The following NFATC2 variants were observed in gnomAD, a reference collection of about 807,000 sequenced individuals.
NFATC2 encodes nuclear factor of activated T-cells, cytoplasmic 2.
A neutral mutation model predicts 87.3 loss-of-function variants in NFATC2; 22 were observed. The observed-to-expected ratio is 0.25, with a 90% confidence interval of 0.18 to 0.36. The LOEUF (loss-of-function observed/expected upper bound fraction) is 0.36. Among genes scored for constraint, NFATC2 ranks in the 10% least tolerant of loss-of-function variants. The pLI is 1.00. For missense variants in NFATC2, 1,149 were observed against 1,259.1 expected (o/e 0.91, Z 1.32); for synonymous variants, 565 against 542.2 (o/e 1.04, Z -0.58).
chr20:51,460,784 A>G (rs2055230080), intron 5 of NFATC2, among the ~76,000 whole-genome samples: 1 of 150,870 alleles, frequency 6.6e-6, no homozygotes, highest in African/African-American at 2.4e-5. Context: ...AGGTTTCTTG[A>G]CCCCAGTTGC....
At chr20:51,540,080 C>A (rs1413616638) in intron 1 of NFATC2, among the ~76,000 whole-genome samples, 1 of 152,224 alleles carries the variant, frequency 6.6e-6, no homozygotes. Context: ...AATGGTGCCA[C>A]CTGCCTCACT....
chr20:51,515,297 T>C (rs1007554518), intron 3 of NFATC2, among the ~76,000 whole-genome samples: 4 of 152,164 alleles, frequency 2.6e-5, no homozygotes, highest in Admixed American at 2.0e-4. Context: ...AGCTGGCATA[T>C]GGGAATTCCA....
chr20:51,528,848 G>A (rs1354180539), intron 1 of NFATC2, among the ~76,000 whole-genome samples: 2 of 152,160 alleles, frequency 1.3e-5, no homozygotes, highest in Non-Finnish European at 2.9e-5. Flanking sequence ...ACCCACTGGA[G>A]GCCTCAACAC....
chr20:51,433,735 G>GCATGCGTGTGTGCT (rs1448798077), intron 8 of NFATC2, among the ~76,000 whole-genome samples: 5 of 150,122 alleles, frequency 3.3e-5, no homozygotes, highest in African/African-American at 9.9e-5. Flanking sequence ...GTGTGTGTGC[G>GCATGCGTGTGTGCT]CATGCGTGTG....
chr20:51,392,440 G>T (rs1986465548), intron 10 of NFATC2, among the ~76,000 whole-genome samples: 1 of 152,196 alleles, frequency 6.6e-6, no homozygotes, highest in Non-Finnish European at 1.5e-5. Context: ...CTAATTACTA[G>T]AATTAGGGCA....
chr20:51,398,016 T>TG (rs1206906954), intron 10 of NFATC2, among the ~76,000 whole-genome samples: 1 of 152,116 alleles, frequency 6.6e-6, no homozygotes, highest in East Asian at 1.9e-4. Context: ...TGGAGGCCCA[T>TG]CGAGGTGGAT....
At chr20:51,435,592 T>C in intron 7 of NFATC2, 114 bp downstream of exon 7, 1 of 1,161,360 alleles carries the variant, frequency 8.6e-7, no homozygotes, top group Non-Finnish European at 1.2e-6. Context: ...TGAGTACCTG[T>C]TAGGTCCAGA....
chr20:51,417,546 A>T (rs1466101131), intron 9 of NFATC2, among the ~76,000 whole-genome samples: 12 of 152,140 alleles, frequency 7.9e-5, no homozygotes, highest in Non-Finnish European at 2.9e-5. Flanking sequence ...TTCCTCAAAG[A>T]GGTTGGTCCT....
At chr20:51,446,675 G>A (rs1356781794) in intron 6 of NFATC2, among the ~76,000 whole-genome samples, 2 of 152,218 alleles carry the variant, frequency 1.3e-5, no homozygotes, top group Admixed American at 6.5e-5. Flanking sequence ...CAATGCAGGG[G>A]ACCAAGTTTA....
intron 8 of NFATC2, 51 bp downstream of exon 8, chr20:51,435,137 G>C: frequency 6.2e-7 from 1 of 1,607,248 alleles, no homozygotes; most frequent in South Asian, 1.1e-5. Context: ...CCTGAGCCCT[G>C]TGCCTGTACT....
chr20:51,459,969 T>C (rs1247912226), intron 5 of NFATC2, among the ~76,000 whole-genome samples: 2 of 152,222 alleles, frequency 1.3e-5, no homozygotes, highest in African/African-American at 2.4e-5. Flanking sequence ...ATGTACTTCA[T>C]GTACTGAATT....
At chr20:51,509,324 C>T (rs941268665) in intron 3 of NFATC2, among the ~76,000 whole-genome samples, 23 of 152,176 alleles carry the variant, frequency 1.5e-4, no homozygotes, top group African/African-American at 5.5e-4. Flanking sequence ...TCCCCCTAGC[C>T]AGCACATCAG....
chr20:51,424,525 G>T (rs538781669), intron 9 of NFATC2, among the ~76,000 whole-genome samples: 1 of 152,218 alleles, frequency 6.6e-6, no homozygotes, highest in Admixed American at 6.5e-5. Flanking sequence ...CCAGAGAGTC[G>T]GGCACCATTA....
intron 1 of NFATC2, among the ~76,000 whole-genome samples, chr20:51,556,828 G>A (rs2076982614): frequency 6.6e-6 from 1 of 152,152 alleles, no homozygotes; most frequent in African/African-American, 2.4e-5. Flanking sequence ...CAGCCACCCA[G>A]AGAAGCTCTG....
intron 9 of NFATC2, among the ~76,000 whole-genome samples, chr20:51,399,387 C>T (rs910677785): frequency 5.3e-5 from 8 of 152,288 alleles, no homozygotes; most frequent in African/African-American, 1.2e-4. Context: ...CCCCTTTGGC[C>T]GAATTGGAAT....
intron 3 of NFATC2, among the ~76,000 whole-genome samples, chr20:51,511,898 A>G (rs1240347623): frequency 6.6e-6 from 1 of 152,072 alleles, no homozygotes; most frequent in African/African-American, 2.4e-5. Flanking sequence ...AATAAGCAAA[A>G]TTTCATCTCC....
chr20:51,446,860 G>C (rs1461187389), intron 6 of NFATC2, among the ~76,000 whole-genome samples: 3 of 152,184 alleles, frequency 2.0e-5, no homozygotes, highest in Non-Finnish European at 2.9e-5. Flanking sequence ...GTCACAGAGG[G>C]CAAAGGTCCG....
At chr20:51,473,844 G>A in intron 5 of NFATC2, 136 bp downstream of exon 5, 1 of 806,034 alleles carries the variant, frequency 1.2e-6, no homozygotes, top group Non-Finnish European at 1.9e-6. Context: ...GGTCATCTTG[G>A]GCCAGTGTAA....
At chr20:51,464,519 G>A (rs1434905139) in intron 5 of NFATC2, among the ~76,000 whole-genome samples, 1 of 152,198 alleles carries the variant, frequency 6.6e-6, no homozygotes, top group East Asian at 1.9e-4. Flanking sequence ...CAGCTTTCTG[G>A]CACTTCTGAA....
Sources: allele counts gnomAD v4.1 joint callset (sites outside exome capture counted in the v4.1 genomes callset), GRCh38; gene constraint gnomAD v4.1.1; transcripts MANE v1.5; gene names NCBI Gene and HGNC (gene_info 2026-07-23, HGNC 2026-07-21).